The following EPC2 variants were observed in gnomAD, a reference collection of about 807,000 sequenced individuals.
EPC2 encodes the protein enhancer of polycomb homolog 2.
In EPC2, 14 loss-of-function variants were observed where a neutral mutation model predicts 92.1. The ratio of observed to expected loss-of-function variants is 0.15; its 90% CI spans 0.10 to 0.24. The LOEUF (loss-of-function observed/expected upper bound fraction) is 0.24, where lower values mean the gene tolerates loss of function less well. EPC2 is among the 10% of genes least tolerant of loss of function. EPC2 has a pLI of 1.00. For synonymous variants in EPC2, 340 were observed against 334.7 expected (o/e 1.02, Z -0.17); for missense variants, 755 against 971.5 (o/e 0.78, Z 2.96).
chr2:148,746,228 T>G (rs533368525), intron 3 of EPC2, among the ~76,000 whole-genome samples: 30 of 152,124 alleles, frequency 2.0e-4, no homozygotes, highest in South Asian at 8.3e-4. Context: ...CTTGACCTCT[T>G]TCTCAAACTC....
At chr2:148,747,211 C>T (rs1397718187) in intron 3 of EPC2, among the ~76,000 whole-genome samples, 1 of 151,918 alleles carries the variant, frequency 6.6e-6, no homozygotes, top group Non-Finnish European at 1.5e-5. Flanking sequence ...ATCACACATT[C>T]CCATAGAAAG....
chr2:148,686,729 G>A (rs1681534504), intron 1 of EPC2, among the ~76,000 whole-genome samples: 2 of 152,136 alleles, frequency 1.3e-5, no homozygotes, highest in Non-Finnish European at 2.9e-5. Context: ...GACTTCTTGG[G>A]TGACCATATG....
intron 3 of EPC2, among the ~76,000 whole-genome samples, chr2:148,745,384 A>G: frequency 6.6e-6 from 1 of 152,106 alleles, no homozygotes. Flanking sequence ...TCAGTAAGCA[A>G]TATTTAGTGT....
chr2:148,679,038 G>A (rs1184936786), intron 1 of EPC2, among the ~76,000 whole-genome samples: 5 of 152,170 alleles, frequency 3.3e-5, no homozygotes, highest in South Asian at 4.1e-4. Context: ...GACAGAGTGC[G>A]ACCCTGTCAC....
At chr2:148,706,797 T>C (rs527326916) in intron 2 of EPC2, among the ~76,000 whole-genome samples, 1 of 152,264 alleles carries the variant, frequency 6.6e-6, no homozygotes, top group African/African-American at 2.4e-5. Context: ...AAACAAATGC[T>C]GAGAGATTTT....
intron 2 of EPC2, among the ~76,000 whole-genome samples, chr2:148,715,979 G>A (rs1682254375): frequency 6.6e-6 from 1 of 152,084 alleles, no homozygotes; most frequent in Non-Finnish European, 1.5e-5. Context: ...TATTATTTTT[G>A]TGGCAGTTGT....
At chr2:148,763,405 T>C (rs1471941915) in intron 6 of EPC2, among the ~76,000 whole-genome samples, 1 of 152,170 alleles carries the variant, frequency 6.6e-6, no homozygotes, top group African/African-American at 2.4e-5. Context: ...GTACATTAAT[T>C]AAAGTATTTA....
rs764605539 is a variant in EPC2, at chr2:148,771,182, A to G, written c.1515A>G (p.Lys505=). 2 of 1,613,956 alleles carry G rather than the reference A, an allele frequency of 1.2e-6. No homozygotes were observed. The highest frequency in any genetic ancestry group is 2.2e-5 in the East Asian group (1 of 44,874). Residue 505 remains lysine, a synonymous_variant, in exon 10 of 14, where the codon AAA becomes AAG. Coordinates refer to ENST00000258484, the MANE Select transcript of EPC2 (RefSeq NM_015630.4). ...TCTCTCGGACCAATGCTTCCAGTAA[A>G]CATTGTGAAAATAGACTGTCTCTTT... ...SNFSRTNASS[K]HCENRLSLSE... is the part of the protein sequence containing the mutation.
intron 2 of EPC2, among the ~76,000 whole-genome samples, chr2:148,710,385 T>C (rs530980255): frequency 9.2e-5 from 14 of 152,280 alleles, no homozygotes; most frequent in Non-Finnish European, 1.6e-4. Context: ...ATAGGAACAC[T>C]TTTACACTGT....
At chr2:148,734,538 G>A (rs1463504967) in intron 2 of EPC2, among the ~76,000 whole-genome samples, 2 of 152,022 alleles carry the variant, frequency 1.3e-5, no homozygotes, top group Admixed American at 1.3e-4. Flanking sequence ...TAAATTAGAG[G>A]ATAGTCTTGA....
intron 2 of EPC2, among the ~76,000 whole-genome samples, chr2:148,731,935 G>C (rs1682640302): frequency 6.6e-6 from 1 of 152,154 alleles, no homozygotes; most frequent in Admixed American, 6.5e-5. Flanking sequence ...CTTCTGTGTG[G>C]TATAGTGGGA....
intron 10 of EPC2, among the ~76,000 whole-genome samples, chr2:148,778,453 A>C (rs1440722270): frequency 6.6e-6 from 1 of 152,202 alleles, no homozygotes; most frequent in Non-Finnish European, 1.5e-5. Context: ...GAAATCTCTT[A>C]TGAATGTATT....
chr2:148,781,432 T>G (rs1683745299), intron 10 of EPC2, among the ~76,000 whole-genome samples: 1 of 152,220 alleles, frequency 6.6e-6, no homozygotes, highest in African/African-American at 2.4e-5. Flanking sequence ...ATTTAGGCAC[T>G]TTTCTTAGCA....
chr2:148,701,487 T>C (rs1681885936), intron 2 of EPC2, among the ~76,000 whole-genome samples: 1 of 152,214 alleles, frequency 6.6e-6, no homozygotes, highest in Non-Finnish European at 1.5e-5. Context: ...TTTTGTCAAA[T>C]GCTTTTTCTA....
chr2:148,759,926 A>C (rs1683269127), intron 4 of EPC2, among the ~76,000 whole-genome samples: 1 of 152,168 alleles, frequency 6.6e-6, no homozygotes, highest in South Asian at 2.1e-4. Context: ...AAGGAAAGTT[A>C]GGAACGATAA....
At chr2:148,743,568 A>G (rs970641560) in intron 2 of EPC2, 54 bp from the exon 3 acceptor site, 1 of 1,388,050 alleles carries the variant, frequency 7.2e-7, no homozygotes, top group African/African-American at 1.5e-5. Flanking sequence ...ATGATGAACA[A>G]TGTATAATTT....
intron 1 of EPC2, among the ~76,000 whole-genome samples, chr2:148,678,118 T>C (rs1681309344): frequency 6.6e-6 from 1 of 152,214 alleles, no homozygotes; most frequent in Non-Finnish European, 1.5e-5. Context: ...TTACAATCCC[T>C]GAGCTAGACA....
At chr2:148,706,093 A>G (rs1368516019) in intron 2 of EPC2, among the ~76,000 whole-genome samples, 3 of 152,196 alleles carry the variant, frequency 2.0e-5, no homozygotes, top group African/African-American at 4.8e-5. Flanking sequence ...CAAGGAAGCT[A>G]AAAACCTTGA....
intron 7 of EPC2, among the ~76,000 whole-genome samples, chr2:148,768,240 C>T (rs1028617130): frequency 1.3e-5 from 2 of 152,176 alleles, no homozygotes; most frequent in African/African-American, 4.8e-5. Context: ...GAGTGCGAGA[C>T]AACTGAAACT....
Sources: gnomAD v4.1 joint callset for allele counts (sites outside exome capture counted in the v4.1 genomes callset) on GRCh38, gnomAD v4.1.1 for gene constraint, MANE v1.5 for transcripts, NCBI Gene and HGNC (gene_info 2026-07-23, HGNC 2026-07-21) for gene names.